The following TTN variants were observed in gnomAD, a reference collection of about 807,000 sequenced individuals.
The protein encoded by TTN is titin, also known as connectin.
Under a neutral mutation model 3,223.0 loss-of-function variants are expected in TTN, and 1,525 were observed. The observed-to-expected ratio is 0.47, with a 90% confidence interval of 0.45 to 0.49. TTN has a LOEUF of 0.49. Ranked by LOEUF, TTN falls within the 20% of genes least tolerant of loss-of-function variation. TTN has a pLI of 0.00. For synonymous variants in TTN, 14,094 were observed against 15,161.0 expected (o/e 0.93, Z 5.17); for missense variants, 40,786 against 43,424.0 (o/e 0.94, Z 5.40).
rs1416277306 is a variant in TTN, at chr2:178,578,733, A to G, written c.68225-18T>C. ...AGGCACATCTAGAAAAAAGTAGATA[A>G]TGCAAGATTTATAATAAGAAGCCTC... On this transcript the variant is annotated intron_variant, in intron 320 of 362. Coordinates refer to ENST00000589042, the MANE Select transcript of TTN (RefSeq NM_001267550.2). 3.1e-6 allele frequency: 5 copies of G among 1,605,362 alleles called. No homozygotes were observed. The highest frequency in any genetic ancestry group is 4.2e-6 in the Non-Finnish European group (5 of 1,177,498).
chr2:178,767,754 A>C lies in TTN; in HGVS notation c.9471+5T>G, dbSNP rs748054964. 4 of 1,613,858 alleles carry C rather than the reference A, an allele frequency of 2.5e-6. No homozygotes were observed. The highest frequency in any genetic ancestry group is 1.7e-6 in the Non-Finnish European group (2 of 1,179,998). ...TTTTCAAAACATTTAGTATGTAGAC[A>C]ATACCTGAACCTCCTTTTTAATACT... On this transcript the variant is annotated splice_donor_5th_base_variant and intron_variant, in intron 40 of 362. Coordinates refer to ENST00000589042, the MANE Select transcript of TTN (RefSeq NM_001267550.2).
intron 175 of TTN, 48 bp downstream of exon 175, chr2:178,662,681 G>A: frequency 6.7e-6 from 6 of 897,736 alleles, no homozygotes; most frequent in Non-Finnish European, 9.7e-6. Flanking sequence ...GTGATTGTGA[G>A]GGGTACAGAC....
intron 336 of TTN, 167 bp from the exon 337 acceptor site, chr2:178,550,440 T>G: frequency 1.7e-6 from 1 of 593,836 alleles, no homozygotes; most frequent in Non-Finnish European, 2.9e-6. Flanking sequence ...ATTTGGACTA[T>G]GGGGTTAAAT....
intron 114 of TTN, among the ~76,000 whole-genome samples, chr2:178,695,626 T>G (rs1042030968): frequency 1.3e-5 from 2 of 152,024 alleles, no homozygotes; most frequent in African/African-American, 4.8e-5. Context: ...ACTTCTGCAT[T>G]AGAAATTAGC....
intron 4 of TTN, 81 bp downstream of exon 4, chr2:178,800,314 G>A (rs2093992937): frequency 6.4e-6 from 10 of 1,565,472 alleles, no homozygotes; most frequent in Non-Finnish European, 8.8e-6. Context: ...GCTGTGAGAG[G>A]TGGCAAGTGG....
chr2:178,739,043 T>G, intron 48 of TTN, 98 bp downstream of exon 48: 4 of 1,349,200 alleles, frequency 3.0e-6, no homozygotes, highest in Non-Finnish European at 3.9e-6. Context: ...AATTACATTC[T>G]GGAAGTGGCA....
chr2:178,673,718 G>T lies in TTN; in HGVS notation c.34709-8C>A, dbSNP rs1404943344. ...TCTTAATCACTTCAGGCACTTAAAA[G>T]AAATTTTATGAACATTTTGAAAAGT... On this transcript the variant is annotated splice_region_variant and splice_polypyrimidine_tract_variant and intron_variant, in intron 151 of 362. Transcript: ENST00000589042. The T allele has an allele frequency of 6.3e-7, 1 of 1,584,756 alleles. No individual in the cohort carries two copies. The highest frequency in any genetic ancestry group is 8.6e-7 in the Non-Finnish European group (1 of 1,169,222).
chr2:178,751,390 G>A (rs2154330973), intron 47 of TTN: 1 of 1,608,062 alleles, frequency 6.2e-7, no homozygotes, highest in Non-Finnish European at 8.5e-7. Flanking sequence ...CATCATACAT[G>A]TAATCTGTTT....
chr2:178,695,983 ATCT>A lies in TTN; in HGVS notation c.31086_31088del (p.Glu10362del), dbSNP rs974142124. 4.3e-5 allele frequency: 66 copies of A among 1,546,436 alleles called. No homozygotes were observed. The highest frequency in any genetic ancestry group is 5.4e-5 in the Non-Finnish European group (62 of 1,145,214). On this transcript the variant is annotated inframe_deletion, in exon 114 of 363. Coordinates refer to ENST00000589042, the MANE Select transcript of TTN (RefSeq NM_001267550.2). ...CATAGTATTCTTGCCCTTCTTCAAA[ATCT>A]TCTTCCCATTCCTCGTGAACTTCTT...
At chr2:178,630,108 C>T in intron 239 of TTN, 133 bp downstream of exon 239, 1 of 1,291,096 alleles carries the variant, frequency 7.7e-7, no homozygotes, top group Non-Finnish European at 1.1e-6. Flanking sequence ...GTCAAAGTGG[C>T]AAATACAAGA....
Position 178,619,685 on chromosome 2 carries a change from A to G in TTN, c.46632T>C (p.Arg15544=). 1 of 1,612,278 alleles carries G rather than the reference A, an allele frequency of 6.2e-7. No individual in the cohort carries two copies. Among genetic ancestry groups the G allele is most frequent in the South Asian group, 1.1e-5 (1 of 91,018 alleles). Residue 15544 remains arginine (R), a synonymous_variant, in exon 250 of 363, where the codon CGT becomes CGC. Transcript: ENST00000589042. The part of the protein sequence containing the change: ...HRLQICDIKP[R]DQGEYRFIAK... ...CAATAAATCTGTATTCACCCTGGTC[A>G]CGGGGCTTAATATCACAAATCTGTA...
At position 178,597,944 on chromosome 2, in the gene TTN, C is replaced by T; in HGVS notation, c.57226G>A (p.Glu19076Lys). 6.2e-7 allele frequency: 1 copy of T among 1,613,372 alleles called. No individual in the cohort carries two copies. The highest frequency in any genetic ancestry group is 8.5e-7 in the Non-Finnish European group (1 of 1,179,578). ...TTCATTTCAATGACATCTGTGACCT[C>T]TCCAGGTTCTCCAATGCCAGCAATG... Reference protein sequence around the residue: ...VNIAGIGEPGEVTDVIEMKDR... With the variant: ...VNIAGIGEPGKVTDVIEMKDR... The change falls in exon 293 of 363, where the codon GAG (glutamate) becomes AAG (lysine). Residue 19076 changes from glutamate to lysine, a missense_variant. Transcript: ENST00000589042.
chr2:178,573,106 G>C lies in TTN; in HGVS notation c.73026C>G (p.Ile24342Met). Residue 24342 changes from isoleucine to methionine, a missense_variant, in exon 326 of 363, where the codon ATC becomes ATG. Coordinates refer to ENST00000589042, the MANE Select transcript of TTN (RefSeq NM_001267550.2). ...CATCATAGATAGGTTTATTCCAAGC[G>C]ATTGAAATGGATGATCTGCTTGTAT... ...VLDTSRSSISIAWNKPIYDGG... is the reference protein window; with the variant it reads ...VLDTSRSSISMAWNKPIYDGG... 3 of 1,613,238 alleles carry C rather than the reference G, an allele frequency of 1.9e-6. No individual in the cohort carries two copies. Among genetic ancestry groups the C allele is most frequent in the Non-Finnish European group, 2.5e-6 (3 of 1,179,536 alleles).
Position 178,777,250 on chromosome 2 carries a change from G to A in TTN, c.4713C>T (p.Ser1571=). ...TAGCTCTGACTTTCATTTCAAGTCG[G>A]GAACCTTCCTTTATATTGACATTTT... ...KLKNVNIKEG[S]RLEMKVRATG... Residue 1571 remains serine, a synonymous_variant, in exon 27 of 363, where the codon TCC becomes TCT. Transcript: ENST00000589042. 1 of 1,614,018 alleles carries A rather than the reference G, an allele frequency of 6.2e-7. No homozygotes were observed. The highest frequency in any genetic ancestry group is 1.7e-5 in the Admixed American group (1 of 60,008).
rs753678261 is a variant in TTN, at chr2:178,593,685, A to T, written c.58615T>A (p.Cys19539Ser). Residue 19539 changes from cysteine (C) to serine (S), a missense_variant, in exon 298 of 363, where the codon TGC becomes AGC. Coordinates refer to ENST00000589042, the MANE Select transcript of TTN (RefSeq NM_001267550.2). ...CCTTCAAGTAGTTTAGAAACTTTGC[A>T]TGTTGTTTTAGCACTTGCAGATGTC... Reference protein sequence around the residue: ...PVTSASAKTTCKVSKLLEGKD... With the variant: ...PVTSASAKTTSKVSKLLEGKD... The T allele has an allele frequency of 1.2e-6, 2 of 1,613,366 alleles. No homozygotes were observed. Among genetic ancestry groups the T allele is most frequent in the Non-Finnish European group, 1.7e-6 (2 of 1,179,618 alleles).
chr2:178,649,168 A>G, intron 213 of TTN, 80 bp downstream of exon 213: 1 of 1,046,314 alleles, frequency 9.6e-7, no homozygotes, highest in African/African-American at 1.7e-5. Context: ...ATTCACATTC[A>G]GTATGTTTTT....
rs72650026 is a variant in TTN, at chr2:178,688,839, A to G, written c.32096-61T>C. 8.1e-3 allele frequency: 11,440 copies of G among 1,412,660 alleles called. 72 individuals carry two copies. The highest frequency in any genetic ancestry group is 0.017 in the South Asian group (1,436 of 84,606). 87.5% of individuals were successfully genotyped at this position (1,412,660 alleles called of 1,614,324 possible). A position where few individuals can be genotyped will look rare whatever the true frequency, so the allele number is the denominator to read the frequency against. On this transcript the variant is annotated intron_variant, in intron 125 of 362. Coordinates refer to ENST00000589042, the MANE Select transcript of TTN (RefSeq NM_001267550.2). ...AGAATTTTAACAATTCTCACTTTCT[A>G]GAATTTGGGGAAGAGTTGCACAGTA...
Position 178,530,393 on chromosome 2 carries a change from T to C in TTN, c.106222A>G (p.Thr35408Ala). 1 of 1,613,950 alleles carries C rather than the reference T, an allele frequency of 6.2e-7. No individual in the cohort carries two copies. The change falls in exon 358 of 363, where the codon ACT (threonine) becomes GCT (alanine). Residue 35408 changes from threonine (T) to alanine (A), a missense_variant. Transcript: ENST00000589042. ...KTTESTVTRK[T>A]EPKAPEPISS... The stretch of plus-strand genomic sequence containing the variant: ...ATTGGTTCAGGAGCTTTTGGTTCAG[T>C]TTTTCTGGTTACTGTTGACTCAGTG...
chr2:178,707,810 G>C lies in TTN; in HGVS notation c.28757C>G (p.Pro9586Arg). 6.3e-7 allele frequency: 1 copy of C among 1,577,544 alleles called. No homozygotes were observed. Among genetic ancestry groups the C allele is most frequent in the African/African-American group, 1.4e-5 (1 of 73,696 alleles). The change falls in exon 100 of 363, where the codon CCT becomes CGT. Residue 9586 changes from proline (P) to arginine (R), a missense_variant. By Grantham distance (103) the Pro-to-Arg change is moderately radical (BLOSUM62 -2). Coordinates refer to ENST00000589042, the MANE Select transcript of TTN (RefSeq NM_001267550.2). ...CTGATCAAATACAGGTGGCTTCTTA[G>C]GTTCTGGAATTGAAAAGGTATTTTC... ...LCTSSIVIKEPKKPPVFDQHL... is the reference protein window; with the variant it reads ...LCTSSIVIKERKKPPVFDQHL...
Sources: gnomAD v4.1 joint callset for allele counts (sites outside exome capture counted in the v4.1 genomes callset) on GRCh38, gnomAD v4.1.1 for gene constraint, MANE v1.5 for transcripts, NCBI Gene and HGNC (gene_info 2026-07-23, HGNC 2026-07-21) for gene names.